The following ADAMTSL1 variants were observed in gnomAD, a reference collection of about 807,000 sequenced individuals.
ADAMTSL1 encodes ADAMTS-like protein 1.
Under a neutral mutation model 201.8 loss-of-function variants are expected in ADAMTSL1, and 126 were observed. The ratio of observed to expected loss-of-function variants is 0.62; its 90% CI spans 0.54 to 0.72. ADAMTSL1 has a LOEUF of 0.72. Ranked by LOEUF, ADAMTSL1 falls within the 30% of genes least tolerant of loss-of-function variation. The probability of loss-of-function intolerance (pLI) is 0.00; values close to 1 mark genes in which losing one functional copy is unlikely to be tolerated. For synonymous variants in ADAMTSL1, 1,121 were observed against 903.4 expected, an observed-to-expected ratio of 1.24 and a Z score of -4.32; for missense variants, 2,679 against 2,277.8, an observed-to-expected ratio of 1.18 and a Z score of -3.59.
chr9:18,075,919 A>G (rs1823201519), intron 1 of ADAMTSL1, among the ~76,000 whole-genome samples: 2 of 152,224 alleles, frequency 1.3e-5, no homozygotes, highest in South Asian at 4.1e-4. Context: ...CCAGCATTCA[A>G]TTTATTTGAA....
chr9:18,401,633 T>C (rs1180514451), intron 2 of ADAMTSL1, among the ~76,000 whole-genome samples: 2 of 152,230 alleles, frequency 1.3e-5, no homozygotes, highest in African/African-American at 4.8e-5. Context: ...GGTTAATGGT[T>C]GCGAGAACAC....
intron 2 of ADAMTSL1, among the ~76,000 whole-genome samples, chr9:18,430,866 A>G (rs1333217439): frequency 6.6e-6 from 1 of 152,236 alleles, no homozygotes; most frequent in African/African-American, 2.4e-5. Flanking sequence ...TTAATTGGGC[A>G]GGAAGTGGGT....
At chr9:18,806,918 C>T (rs1823165139) in intron 20 of ADAMTSL1, among the ~76,000 whole-genome samples, 1 of 151,452 alleles carries the variant, frequency 6.6e-6, no homozygotes, top group Non-Finnish European at 1.5e-5. Flanking sequence ...AGCCATATGT[C>T]AGGCTCTCCT....
chr9:18,387,374 T>C (rs533792193), intron 2 of ADAMTSL1, among the ~76,000 whole-genome samples: 34 of 151,862 alleles, frequency 2.2e-4, no homozygotes, highest in African/African-American at 8.0e-4. Context: ...CTATATTTCA[T>C]CCCCTTCCTT....
At chr9:18,857,405 C>T (rs1425300354) in intron 23 of ADAMTSL1, among the ~76,000 whole-genome samples, 1 of 152,152 alleles carries the variant, frequency 6.6e-6, no homozygotes, top group Non-Finnish European at 1.5e-5. Flanking sequence ...ATTTTTATGA[C>T]CTTAACGCTT....
At chr9:18,592,204 T>G (rs1005759406) in intron 4 of ADAMTSL1, among the ~76,000 whole-genome samples, 3 of 152,074 alleles carry the variant, frequency 2.0e-5, no homozygotes, top group African/African-American at 7.2e-5. Flanking sequence ...CAAGTTTGGT[T>G]TTGGGGAGTG....
intron 2 of ADAMTSL1, among the ~76,000 whole-genome samples, chr9:18,314,988 G>A (rs1020295007): frequency 2.0e-5 from 3 of 150,664 alleles, no homozygotes; most frequent in Admixed American, 2.0e-4. Context: ...AGTAGAGACG[G>A]GGTTTCACCG....
chr9:18,306,988 T>C (rs1359405576), intron 2 of ADAMTSL1, among the ~76,000 whole-genome samples: 1 of 152,142 alleles, frequency 6.6e-6, no homozygotes, highest in African/African-American at 2.4e-5. Context: ...AGACTAACAG[T>C]GGATCTCTCT....
chr9:18,125,847 C>T (rs138141588), intron 1 of ADAMTSL1, among the ~76,000 whole-genome samples: 19 of 152,286 alleles, frequency 1.2e-4, no homozygotes, highest in East Asian at 9.6e-4. Context: ...AAGTCTTCCA[C>T]GGACTCTGAC....
chr9:18,184,350 G>A (rs1828635298), intron 2 of ADAMTSL1, among the ~76,000 whole-genome samples: 1 of 152,188 alleles, frequency 6.6e-6, no homozygotes, highest in African/African-American at 2.4e-5. Flanking sequence ...GGTGGCTGCA[G>A]TGAAGGAAAT....
At chr9:18,079,554 C>T (rs971395014) in intron 1 of ADAMTSL1, among the ~76,000 whole-genome samples, 10 of 151,754 alleles carry the variant, frequency 6.6e-5, no homozygotes, top group African/African-American at 1.9e-4. Context: ...TGGTGGTGCA[C>T]GCCTGTAGTC....
intron 2 of ADAMTSL1, among the ~76,000 whole-genome samples, chr9:18,227,431 C>G (rs1304473882): frequency 6.6e-6 from 1 of 152,096 alleles, no homozygotes; most frequent in Non-Finnish European, 1.5e-5. Flanking sequence ...GAGTGTTCCT[C>G]TAATGTTGTC....
chr9:18,694,350 C>T lies in ADAMTSL1; in HGVS notation c.1574+9550C>T, dbSNP rs117392205. 6.7e-4 allele frequency among the ~76,000 whole-genome samples: 102 copies of T among 152,228 alleles called. No individual in the cohort carries two copies. The East Asian group carries it at 0.013, about 19-fold the overall frequency. Reference sequence around the variant, plus strand: ...CAATCTCCCAATTCTTAACTCACTTCGGCATTAACTCAAAAGTCCACAGTC... The same window carrying T: ...CAATCTCCCAATTCTTAACTCACTTTGGCATTAACTCAAAAGTCCACAGTC... On this transcript the variant is annotated intron_variant, in intron 13 of 28. Transcript: ENST00000380548.
intron 2 of ADAMTSL1, among the ~76,000 whole-genome samples, chr9:18,353,076 C>A (rs761762293): frequency 6.6e-6 from 1 of 152,178 alleles, no homozygotes; most frequent in Non-Finnish European, 1.5e-5. Context: ...ATTCTGGGTT[C>A]CTCTGTTATA....
Position 18,480,204 on chromosome 9 carries a change from C to G in ADAMTSL1, c.63+5909C>G, listed in dbSNP as rs546699303. 1.7e-3 allele frequency among the ~76,000 whole-genome samples: 265 copies of G among 152,272 alleles called. 1 individual carries two copies. The highest frequency in any genetic ancestry group is 2.7e-3 in the Non-Finnish European group (182 of 68,016). Reference sequence around the variant, plus strand: ...GACAATGCTGTGGATTCACTAAAACCTGTTTCTTCTTGCTACTGGGCACAA... The same window carrying G: ...GACAATGCTGTGGATTCACTAAAACGTGTTTCTTCTTGCTACTGGGCACAA... On this transcript the variant is annotated intron_variant, in intron 1 of 28. Transcript: ENST00000380548.
At chr9:18,433,017 T>A (rs1013943199) in intron 2 of ADAMTSL1, among the ~76,000 whole-genome samples, 1 of 152,184 alleles carries the variant, frequency 6.6e-6, no homozygotes, top group Admixed American at 6.5e-5. Context: ...AACATTTTCA[T>A]CTTTCTCACT....
Position 18,045,818 on chromosome 9 carries a change from T to A in ADAMTSL1, c.88-118044T>A, listed in dbSNP as rs185504999. 7.7e-4 allele frequency among the ~76,000 whole-genome samples: 117 copies of A among 152,284 alleles called. 1 individual carries two copies. Among genetic ancestry groups the A allele is most frequent in the Non-Finnish European group, 7.4e-5 (5 of 67,998 alleles). ...ATACTCACTTGGTGCCTTTATTTTCTGTGTGACAGTGACACAACAAAGTTC... is the reference window on the plus strand; with the variant it reads ...ATACTCACTTGGTGCCTTTATTTTCAGTGTGACAGTGACACAACAAAGTTC... On this transcript the variant is annotated intron_variant, in intron 1 of 29. Transcript: ENST00000680146.
At chr9:18,564,890 C>T (rs936114231) in intron 3 of ADAMTSL1, among the ~76,000 whole-genome samples, 2 of 152,140 alleles carry the variant, frequency 1.3e-5, no homozygotes, top group Non-Finnish European at 2.9e-5. Flanking sequence ...GAATTTAAGA[C>T]TCTAAAATGA....
chr9:18,331,948 G>A (rs1015298510), intron 2 of ADAMTSL1, among the ~76,000 whole-genome samples: 1 of 152,200 alleles, frequency 6.6e-6, no homozygotes, highest in Non-Finnish European at 1.5e-5. Flanking sequence ...CTGCAGTCTC[G>A]CCTGTAATTA....
Sources: allele counts gnomAD v4.1 joint callset (sites outside exome capture counted in the v4.1 genomes callset), GRCh38; gene constraint gnomAD v4.1.1; transcripts MANE v1.5; gene names NCBI Gene and HGNC (gene_info 2026-07-23, HGNC 2026-07-21).